ARHGAP32: variants seen among roughly 807,000 people sequenced by gnomAD.
The protein encoded by ARHGAP32 is Rho GTPase activating protein 32, also known as rho GTPase-activating protein 32.
In ARHGAP32, 51 loss-of-function variants were observed where a neutral mutation model predicts 186.5. The observed-to-expected ratio is 0.27, with a 90% CI of 0.22 to 0.35. The LOEUF is 0.35. Among genes scored for constraint, ARHGAP32 ranks in the 10% least tolerant of loss-of-function variants. The probability of loss-of-function intolerance (pLI) is 1.00; values close to 1 mark genes in which losing one functional copy is unlikely to be tolerated. For synonymous variants in ARHGAP32, 950 were observed against 964.3 expected (o/e 0.99, Z 0.27); for missense variants, 2,186 against 2,623.5 (o/e 0.83, Z 3.64).
intron 1 of ARHGAP32, among the ~76,000 whole-genome samples, chr11:129,255,830 C>T (rs548358117): frequency 3.1e-4 from 47 of 152,024 alleles, no homozygotes; most frequent in Admixed American, 2.6e-3. Flanking sequence ...ACCCTATGAT[C>T]CAGGGATTCT....
chr11:129,279,519 G>T (rs1245858786), upstream of ARHGAP32, among the ~76,000 whole-genome samples: 26 of 144,846 alleles, frequency 1.8e-4, no homozygotes, highest in Admixed American at 1.8e-3. Flanking sequence ...CCCCCGCAGC[G>T]CCCCCGCCCA....
At chr11:129,065,791 C>T (rs937647822) in intron 7 of ARHGAP32, among the ~76,000 whole-genome samples, 1 of 152,026 alleles carries the variant, frequency 6.6e-6, no homozygotes, top group Admixed American at 6.6e-5. Flanking sequence ...CTGTAACTCC[C>T]ATCAGTAGAA....
intron 19 of ARHGAP32, among the ~76,000 whole-genome samples, chr11:128,978,473 T>C (rs565213587): frequency 6.6e-6 from 1 of 152,326 alleles, no homozygotes; most frequent in Non-Finnish European, 1.5e-5. Context: ...TTAGATACCA[T>C]AGCAGTATTT....
At position 129,185,874 on chromosome 11, in the gene ARHGAP32, G is replaced by C. The variant is rs552483269; in HGVS notation, c.116+6209C>G. Among the ~76,000 whole-genome samples the C allele has an allele frequency of 2.0e-5, 3 of 152,142 alleles. No individual in the cohort carries two copies. The South Asian group carries it at 6.2e-4, about 32-fold the overall frequency. On this transcript the variant is annotated intron_variant, in intron 1 of 22. Transcript: ENST00000682385. ...AAAGAAATCATTTTATTTTCAAATA[G>C]AGAAAATACATGTATGATTATGAGA... is the stretch of plus-strand genomic sequence containing the variant.
intron 10 of ARHGAP32, among the ~76,000 whole-genome samples, chr11:129,050,295 T>C (rs191667411): frequency 6.6e-6 from 1 of 152,372 alleles, no homozygotes; most frequent in Admixed American, 6.5e-5. Context: ...TAATTTGCCA[T>C]TCACATATCC....
chr11:129,075,495 A>C (rs910246793), intron 6 of ARHGAP32, among the ~76,000 whole-genome samples: 5 of 152,178 alleles, frequency 3.3e-5, no homozygotes, highest in Admixed American at 6.5e-5. Context: ...ACTGTGAGGC[A>C]AATACTGATT....
At chr11:129,072,924 A>AT (rs1165864310) in intron 6 of ARHGAP32, among the ~76,000 whole-genome samples, 1 of 152,188 alleles carries the variant, frequency 6.6e-6, no homozygotes, top group Non-Finnish European at 1.5e-5. Flanking sequence ...TAAGAAGAAA[A>AT]TACAGCTCCA....
intron 1 of ARHGAP32, among the ~76,000 whole-genome samples, chr11:129,254,332 T>C (rs948506079): frequency 3.9e-5 from 6 of 152,090 alleles, no homozygotes; most frequent in African/African-American, 1.4e-4. Context: ...TGATGACATG[T>C]CATATGGGAA....
chr11:129,073,782 CAAA>C (rs34701880), intron 6 of ARHGAP32, among the ~76,000 whole-genome samples: 18,310 of 147,530 alleles, frequency 0.12, 1,271 homozygotes, highest in Non-Finnish European at 0.15. Context: ...ACAACAACAA[CAAA>C]AAAAAACCTT....
At chr11:129,139,450 T>C (rs1350194374) in intron 2 of ARHGAP32, among the ~76,000 whole-genome samples, 1 of 152,216 alleles carries the variant, frequency 6.6e-6, no homozygotes. Context: ...GTAATTTCCA[T>C]TGACAAATGT....
At chr11:129,260,256 T>C (rs1303606475) in intron 1 of ARHGAP32, among the ~76,000 whole-genome samples, 1 of 152,172 alleles carries the variant, frequency 6.6e-6, no homozygotes, top group African/African-American at 2.4e-5. Context: ...AACTGATAAT[T>C]CTAGTCAAAC....
At chr11:129,147,774 A>G (rs1943197211) in intron 2 of ARHGAP32, among the ~76,000 whole-genome samples, 1 of 152,232 alleles carries the variant, frequency 6.6e-6, no homozygotes, top group Non-Finnish European at 1.5e-5. Flanking sequence ...TCTTTCATTA[A>G]TAATGAGTTA....
At chr11:129,116,289 G>A (rs1254209649) in intron 5 of ARHGAP32, among the ~76,000 whole-genome samples, 1 of 151,990 alleles carries the variant, frequency 6.6e-6, no homozygotes, top group Admixed American at 6.6e-5. Context: ...CTCCACTATA[G>A]ATATATTTTT....
intron 1 of ARHGAP32, among the ~76,000 whole-genome samples, chr11:129,202,510 A>C (rs1255257914): frequency 1.3e-5 from 2 of 152,216 alleles, no homozygotes; most frequent in Admixed American, 6.5e-5. Flanking sequence ...TCAAAAATAG[A>C]ATATGAAAAA....
intron 2 of ARHGAP32, among the ~76,000 whole-genome samples, chr11:129,152,638 T>C (rs903433317): frequency 3.3e-5 from 5 of 152,070 alleles, no homozygotes; most frequent in African/African-American, 1.2e-4. Context: ...GAAAAAATCA[T>C]ATGATCATCT....
chr11:129,258,662 A>T (rs1945284810), intron 1 of ARHGAP32, among the ~76,000 whole-genome samples: 1 of 152,212 alleles, frequency 6.6e-6, no homozygotes, highest in Non-Finnish European at 1.5e-5. Context: ...AAGAGCTTAA[A>T]GAACTTCTGC....
intron 10 of ARHGAP32, among the ~76,000 whole-genome samples, chr11:129,049,866 A>C (rs1939966967): frequency 6.6e-6 from 1 of 152,218 alleles, no homozygotes; most frequent in Admixed American, 6.5e-5. Flanking sequence ...ATATGGACAC[A>C]TGCTTTTTCT....
At chr11:129,094,017 T>C (rs1211622624) in intron 5 of ARHGAP32, among the ~76,000 whole-genome samples, 3 of 152,146 alleles carry the variant, frequency 2.0e-5, no homozygotes, top group Non-Finnish European at 4.4e-5. Context: ...TCAGACCTTA[T>C]TACATAGATT....
intron 10 of ARHGAP32, among the ~76,000 whole-genome samples, chr11:129,058,234 C>CTATATA (rs1224535942): frequency 1.4e-3 from 183 of 135,428 alleles, no homozygotes; most frequent in Non-Finnish European, 2.0e-3. Context: ...CTCTCTCTCT[C>CTATATA]TCTCTATATA....
Sources: allele counts gnomAD v4.1 joint callset (sites outside exome capture counted in the v4.1 genomes callset), GRCh38; gene constraint gnomAD v4.1.1; transcripts MANE v1.5; gene names NCBI Gene and HGNC (gene_info 2026-07-23, HGNC 2026-07-21).